EYA2: variants seen among roughly 807,000 people sequenced by gnomAD.
The protein encoded by EYA2 is EYA transcriptional coactivator and phosphatase 2, also known as protein phosphatase EYA2.
In EYA2, 31 loss-of-function variants were observed where a neutral mutation model predicts 69.2. The ratio of observed to expected loss-of-function variants is 0.45; its 90% CI spans 0.34 to 0.60. EYA2 has a LOEUF of 0.60. EYA2 is among the 20% of genes least tolerant of loss of function. The pLI is 0.02. For missense variants in EYA2, 622 were observed against 701.2 expected, an observed-to-expected ratio of 0.89 and a Z score of 1.28; for synonymous variants, 257 against 279.4, an observed-to-expected ratio of 0.92 and a Z score of 0.80.
intron 2 of EYA2, among the ~76,000 whole-genome samples, chr20:46,992,757 C>A (rs1033634073): frequency 6.6e-6 from 1 of 152,154 alleles, no homozygotes; most frequent in Non-Finnish European, 1.5e-5. Flanking sequence ...AGGTTGCTCC[C>A]AAATTCAGAA....
chr20:46,898,987 T>C (rs1983956687), intron 1 of EYA2, among the ~76,000 whole-genome samples: 1 of 152,360 alleles, frequency 6.6e-6, no homozygotes, highest in Admixed American at 6.5e-5. Flanking sequence ...TGAAAATAGC[T>C]GCTGTTTATT....
Position 46,899,598 on chromosome 20 carries a change from C to T in EYA2, c.-11+4611C>T, listed in dbSNP as rs140296845. On this transcript the variant is annotated intron_variant, in intron 1 of 15. Transcript: ENST00000327619. ...AAGTTTACCGGAAGGTGCTGGATCG[C>T]TATGGGTGGGTGTTGTTTCGGGTTA... Among the ~76,000 whole-genome samples the T allele has an allele frequency of 5.9e-3, 902 of 152,262 alleles. 4 individuals carry two copies. Among genetic ancestry groups the T allele is most frequent in the Middle Eastern group, 0.01 (3 of 294 alleles).
chr20:47,176,368 C>T (rs113492527), intron 12 of EYA2, among the ~76,000 whole-genome samples: 1 of 149,246 alleles, frequency 6.7e-6, no homozygotes, highest in African/African-American at 2.5e-5. Context: ...GTATGAGCCA[C>T]CATGCCCGGC....
chr20:47,066,093 A>G (rs531888694), intron 5 of EYA2, among the ~76,000 whole-genome samples: 1 of 152,294 alleles, frequency 6.6e-6, no homozygotes, highest in Admixed American at 6.5e-5. Context: ...TAATCTGAGC[A>G]TTTAGGGAGG....
intron 9 of EYA2, among the ~76,000 whole-genome samples, chr20:47,111,005 T>C (rs1439768421): frequency 6.6e-6 from 1 of 152,256 alleles, no homozygotes; most frequent in East Asian, 1.9e-4. Flanking sequence ...TGTTCTACTG[T>C]CCTTCATGGC....
At chr20:47,095,445 C>G (rs1160479650) in intron 8 of EYA2, among the ~76,000 whole-genome samples, 2 of 151,952 alleles carry the variant, frequency 1.3e-5, no homozygotes, top group Non-Finnish European at 2.9e-5. Flanking sequence ...TAAAAATTTT[C>G]AGATCTGTAG....
intron 12 of EYA2, 32 bp from the exon 13 acceptor site, chr20:47,179,766 G>T (rs955267240): frequency 2.0e-6 from 3 of 1,493,074 alleles, no homozygotes; most frequent in South Asian, 2.3e-5. Context: ...TTTCTAATAC[G>T]ATGACTACAT....
At chr20:47,014,630 G>A (rs1438439701) in intron 4 of EYA2, among the ~76,000 whole-genome samples, 5 of 85,744 alleles carry the variant, frequency 5.8e-5, no homozygotes, top group Non-Finnish European at 1.0e-4. Context: ...TGCACAAAAT[G>A]TGTGTGTGTG....
chr20:47,023,175 T>C (rs972817246), intron 5 of EYA2, among the ~76,000 whole-genome samples: 1 of 152,224 alleles, frequency 6.6e-6, no homozygotes, highest in African/African-American at 2.4e-5. Flanking sequence ...ACCACTGTAA[T>C]AATTTCGTGG....
intron 10 of EYA2, among the ~76,000 whole-genome samples, chr20:47,156,781 T>C (rs1339770884): frequency 6.6e-6 from 1 of 151,964 alleles, no homozygotes; most frequent in African/African-American, 2.4e-5. Context: ...CTGGCTAGTC[T>C]GGAGGCAGCA....
At chr20:46,991,309 C>T (rs1019749343) in intron 2 of EYA2, among the ~76,000 whole-genome samples, 3 of 152,234 alleles carry the variant, frequency 2.0e-5, no homozygotes, top group Non-Finnish European at 4.4e-5. Flanking sequence ...CACTGCTTCT[C>T]AGCCAAATGA....
At chr20:46,925,900 A>C (rs1985391717) in intron 1 of EYA2, among the ~76,000 whole-genome samples, 1 of 150,196 alleles carries the variant, frequency 6.7e-6, no homozygotes, top group African/African-American at 2.4e-5. Context: ...AAGTTTGGGA[A>C]CTGTCCAGGT....
chr20:46,987,916 G>GACTCACTCTCTC (rs56288405), intron 1 of EYA2, among the ~76,000 whole-genome samples: 10 of 20,352 alleles, frequency 4.9e-4, no homozygotes, highest in African/African-American at 1.7e-3. Context: ...GACAGAGTAA[G>GACTCACTCTCTC]TCTCTCTCTC....
chr20:47,004,339 TA>T (rs1982559535), intron 3 of EYA2, among the ~76,000 whole-genome samples: 1 of 152,190 alleles, frequency 6.6e-6, no homozygotes, highest in African/African-American at 2.4e-5. Context: ...ACCCCTTAGC[TA>T]AGAGCAGGAC....
chr20:47,023,707 G>A (rs908036018), intron 5 of EYA2, among the ~76,000 whole-genome samples: 4 of 129,412 alleles, frequency 3.1e-5, no homozygotes, highest in Non-Finnish European at 6.1e-5. Flanking sequence ...GCGTAATCTC[G>A]GCTCATTGCA....
chr20:47,018,785 A>G (rs936885475), intron 5 of EYA2, among the ~76,000 whole-genome samples: 2 of 152,218 alleles, frequency 1.3e-5, no homozygotes, highest in African/African-American at 4.8e-5. Flanking sequence ...ATAGATGGTG[A>G]AAGTGAGGCT....
rs543581757 is a variant in EYA2, at chr20:47,031,501, G to A, written c.415+15204G>A. Among the ~76,000 whole-genome samples the A allele has an allele frequency of 2.6e-4, 39 of 152,266 alleles. 1 individual carries two copies. The Middle Eastern group carries it at 0.017, about 66-fold the overall frequency. On this transcript the variant is annotated intron_variant, in intron 5 of 15. Transcript: ENST00000327619. ...TGTCCCTAGCTCTCCCTTCCCCTCC[G>A]CTTCTCTAGGTCAGACACAGTGAAG...
At chr20:46,895,276 C>T (rs1983743571) in intron 1 of EYA2, among the ~76,000 whole-genome samples, 1 of 152,174 alleles carries the variant, frequency 6.6e-6, no homozygotes, top group South Asian at 2.1e-4. Flanking sequence ...CTCCCGCGCG[C>T]GGGACAAGTG....
chr20:47,129,795 A>G (rs1454084350), intron 9 of EYA2, among the ~76,000 whole-genome samples: 1 of 152,196 alleles, frequency 6.6e-6, no homozygotes, highest in African/African-American at 2.4e-5. Flanking sequence ...AAATGACAAC[A>G]TGCAAATAAA....
Sources: allele counts gnomAD v4.1 joint callset (sites outside exome capture counted in the v4.1 genomes callset), GRCh38; gene constraint gnomAD v4.1.1; transcripts MANE v1.5; gene names NCBI Gene and HGNC (gene_info 2026-07-23, HGNC 2026-07-21).